CLDN2: variants seen among roughly 807,000 people sequenced by gnomAD.
CLDN2 encodes the protein claudin 2.
A neutral mutation model predicts 8.2 loss-of-function variants in CLDN2; 1 was observed. The observed-to-expected ratio is 0.12, with a 90% CI of 0.04 to 0.58. The LOEUF (loss-of-function observed/expected upper bound fraction) is 0.58. Ranked by LOEUF, CLDN2 falls within the 20% of genes least tolerant of loss-of-function variation. CLDN2 has a pLI of 0.90. For synonymous variants in CLDN2, 70 were observed against 70.2 expected (o/e 1.00, Z 0.01); for missense variants, 108 against 172.9 (o/e 0.62, Z 2.11).
At chrX:106,911,609 G>A (rs960146844) in intron 1 of CLDN2, among the ~76,000 whole-genome samples, 4 of 111,964 alleles carry the variant, frequency 3.6e-5, no homozygotes, top group African/African-American at 1.3e-4. Flanking sequence ...TAACATCTGC[G>A]TCCCTCTGCA....
chrX:106,903,053 C>T, intron 1 of CLDN2: 1 of 1,090,307 alleles, frequency 9.2e-7, no homozygotes, highest in Non-Finnish European at 1.3e-6. Flanking sequence ...AACAGGGTGC[C>T]CTGGACATCT....
At chrX:106,908,803 T>A (rs188091496) in intron 1 of CLDN2, among the ~76,000 whole-genome samples, 4 of 111,287 alleles carry the variant, frequency 3.6e-5, no homozygotes, top group Non-Finnish European at 7.5e-5. Flanking sequence ...GCATTGTGTA[T>A]CAAATGAATA....
chrX:106,923,048 T>C (rs1377556666), intron 1 of CLDN2, among the ~76,000 whole-genome samples: 1 of 105,974 alleles, frequency 9.4e-6, no homozygotes, highest in Admixed American at 1.0e-4. Context: ...CAATCTCGGC[T>C]CACTGCAACC....
At chrX:106,913,730 C>T (rs1474894322), upstream of CLDN2, among the ~76,000 whole-genome samples, 1 of 110,019 alleles carries the variant, frequency 9.1e-6, no homozygotes, top group African/African-American at 3.3e-5. Flanking sequence ...GGGAAAAGTC[C>T]CCTTCCAAGT....
chrX:106,901,418 G>T (rs1048930603), intron 1 of CLDN2: 21 of 1,085,478 alleles, frequency 1.9e-5, no homozygotes, highest in African/African-American at 1.8e-4. Context: ...CCTTTGTGAA[G>T]ATTCAAAGAG....
intron 1 of CLDN2, among the ~76,000 whole-genome samples, chrX:106,922,766 C>T (rs1191367974): frequency 9.0e-6 from 1 of 111,177 alleles, no homozygotes; most frequent in Non-Finnish European, 1.9e-5. Flanking sequence ...GGCTTGGAGA[C>T]AGAGAGAAAG....
chrX:106,923,411 A>G (rs926961006), intron 1 of CLDN2, among the ~76,000 whole-genome samples: 5 of 112,313 alleles, frequency 4.5e-5, no homozygotes, highest in African/African-American at 1.6e-4. Context: ...AGAGAGATCA[A>G]TTTGAGGTGT....
intron 1 of CLDN2, chrX:106,901,480 G>A (rs1933093244): frequency 8.3e-7 from 1 of 1,209,296 alleles, no homozygotes; most frequent in Admixed American, 2.2e-5. Flanking sequence ...TTACCTGACA[G>A]GGTGATGGAA....
upstream of CLDN2, among the ~76,000 whole-genome samples, chrX:106,917,293 T>A (rs182715563): frequency 1.0e-3 from 113 of 112,054 alleles, no homozygotes; most frequent in Non-Finnish European, 1.8e-3. Flanking sequence ...GAGGTACCAA[T>A]GAAGAAGTAC....
Position 106,928,492 on chromosome X carries a change from T to C in CLDN2, c.264T>C (p.Ser88=). Residue 88 remains serine (S), a synonymous_variant, in exon 2 of 2, where the codon AGT becomes AGC. Coordinates refer to ENST00000336803, the MANE Select transcript of CLDN2 (RefSeq NM_020384.4). ...QAAQAMMVTS[S]AISSLACIIS... is the part of the protein sequence containing the mutation. ...CCCAGGCCATGATGGTGACATCCAGTGCAATCTCCTCCCTGGCCTGCATTA... is the reference window on the plus strand; with the variant it reads ...CCCAGGCCATGATGGTGACATCCAGCGCAATCTCCTCCCTGGCCTGCATTA... 1.7e-6 allele frequency: 2 copies of C among 1,211,565 alleles called. No individual in the cohort carries two copies. Among genetic ancestry groups the C allele is most frequent in the East Asian group, 3.0e-5 (1 of 33,817 alleles).
At chrX:106,903,959 C>T (rs1933146016) in intron 1 of CLDN2, among the ~76,000 whole-genome samples, 1 of 112,367 alleles carries the variant, frequency 8.9e-6, no homozygotes. Flanking sequence ...GTCAAAGTGC[C>T]CCCTCCAGCC....
chrX:106,908,567 C>CTTTTTTTTTTTTTTTTTTTT (rs138799168), intron 1 of CLDN2, among the ~76,000 whole-genome samples: 1 of 91,569 alleles, frequency 1.1e-5, no homozygotes. Context: ...CTTTTCTTTT[C>CTTTTTTTTTTTTTTTTTTTT]TTTTTTTTTT....
chrX:106,900,622 C>A, intron 1 of CLDN2: 1 of 1,045,906 alleles, frequency 9.6e-7, no homozygotes, highest in Non-Finnish European at 1.2e-6. Flanking sequence ...ACAAACTGAA[C>A]CCCAATCAGA....
At chrX:106,926,891 TCACACACACACACACA>T (rs36178406) in intron 1 of CLDN2, among the ~76,000 whole-genome samples, 10 of 10,281 alleles carry the variant, frequency 9.7e-4, no homozygotes, top group African/African-American at 5.7e-3. Context: ...GGCAGGAGGA[TCACACACACACACACA>T]CACACACACA....
intron 1 of CLDN2, among the ~76,000 whole-genome samples, chrX:106,925,454 T>C (rs770989649): frequency 3.6e-5 from 4 of 112,353 alleles, no homozygotes; most frequent in East Asian, 5.6e-4. Context: ...CATGGCATGA[T>C]TGAAGAACTG....
Position 106,929,710 on chromosome X carries a change from C to A in CLDN2, c.*789C>A, listed in dbSNP as rs1473347848. 8 of 123,568 alleles carry A rather than the reference C, an allele frequency of 6.5e-5. No individual in the cohort carries two copies. The highest frequency in any genetic ancestry group is 1.5e-4 in the Non-Finnish European group (8 of 53,323). The allele number at this position is 123,568 out of a possible 1,213,427, so 10.2% of individuals were successfully genotyped here. On this transcript the variant is annotated 3_prime_UTR_variant, in exon 2 of 2. Transcript: ENST00000336803. ...AAAGGAAAGAAGATCTGGTGGAAAGCTCAGGTGGCAGCGGACTCTGACTCC... is the reference window on the plus strand; with the variant it reads ...AAAGGAAAGAAGATCTGGTGGAAAGATCAGGTGGCAGCGGACTCTGACTCC...
At chrX:106,907,442 T>G (rs1933193405) in intron 1 of CLDN2, among the ~76,000 whole-genome samples, 2 of 112,165 alleles carry the variant, frequency 1.8e-5, no homozygotes. Flanking sequence ...GGCTCACGCC[T>G]GTAATCCCAG....
chrX:106,928,851 C>A lies in CLDN2; in HGVS notation c.623C>A (p.Ser208Tyr), dbSNP rs751085480. 8.3e-7 allele frequency: 1 copy of A among 1,211,863 alleles called. No homozygotes were observed. Among genetic ancestry groups the A allele is most frequent in the Admixed American group, 2.2e-5 (1 of 46,061 alleles). The change falls in exon 2 of 2, where the codon TCT (serine) becomes TAT (tyrosine). Residue 208 changes from serine (S) to tyrosine (Y), a missense_variant. This residue lies in a region of CLDN2 where 81 missense variants were observed against 100.8 expected (regional missense o/e 0.80). Transcript: ENST00000336803. ...GCCCAACCTCTTGCCACAAGGAGCT[C>A]TCCAAGGCCTGGTCAACCTCCCAAA... ...YQAQPLATRS[S>Y]PRPGQPPKVK...
upstream of CLDN2, chrX:106,918,380 C>A (rs1933343435): frequency 9.0e-6 from 1 of 111,572 alleles, no homozygotes; most frequent in Non-Finnish European, 1.9e-5. Flanking sequence ...GCCCTTTTAG[C>A]GTGTCCCAGC....
Sources: allele counts gnomAD v4.1 joint callset (sites outside exome capture counted in the v4.1 genomes callset), GRCh38; gene constraint gnomAD v4.1.1; regional missense constraint gnomAD v4.1.1; transcripts MANE v1.5; gene names NCBI Gene and HGNC (gene_info 2026-07-23, HGNC 2026-07-21).